STX4: variants seen among roughly 807,000 people sequenced by gnomAD.
The protein encoded by STX4 is syntaxin 4.
STX4 carries 24 observed loss-of-function variants against 41.8 expected under a neutral mutation model. The ratio of observed to expected loss-of-function variants is 0.57; its 90% CI spans 0.42 to 0.81. The LOEUF (loss-of-function observed/expected upper bound fraction) is 0.81. Among genes scored for constraint, STX4 ranks in the 30% least tolerant of loss-of-function variants. The probability of loss-of-function intolerance (pLI) is 0.00; values close to 1 mark genes in which losing one functional copy is unlikely to be tolerated. For missense variants in STX4, 316 were observed against 389.9 expected, an observed-to-expected ratio of 0.81 and a Z score of 1.60; for synonymous variants, 158 against 156.4, an observed-to-expected ratio of 1.01 and a Z score of -0.08.
Position 31,039,043 on chromosome 16 carries a change from G to A in STX4, c.702+396G>A, listed in dbSNP as rs371864627. 2 of 240,574 alleles carry A rather than the reference G, an allele frequency of 8.3e-6. No homozygotes were observed. 14.9% of individuals were successfully genotyped at this position (240,574 alleles called of 1,614,324 possible). A position where few individuals can be genotyped will look rare whatever the true frequency, so the allele number is the denominator to read the frequency against. On this transcript the variant is annotated intron_variant, in intron 8 of 10. Transcript: ENST00000313843. The surrounding 1 kb of genome is among the most constrained non-coding windows in gnomAD (Gnocchi z 4.1). ...TCCCCTGGCCCTGGTTGTGAGTTGA[G>A]TTGAGCTTCCAGCCCTGTCCTGGAG...
Position 31,039,963 on chromosome 16 carries a change from G to T in STX4, c.*67G>T. ...CCTGGCCTTCTCTCCCAGCAGCCTG[G>T]GGGGCAGGGCAGAGCCTCCAGTCGG... On this transcript the variant is annotated 3_prime_UTR_variant, in exon 11 of 11. Transcript: ENST00000313843. The surrounding 1 kb of genome is among the most constrained non-coding windows in gnomAD (Gnocchi z 4.1). 5.0e-6 allele frequency: 4 copies of T among 802,450 alleles called. No individual in the cohort carries two copies. The highest frequency in any genetic ancestry group is 6.1e-6 in the Non-Finnish European group (3 of 493,470). The allele number at this position is 802,450 out of a possible 1,614,324, so 49.7% of individuals were successfully genotyped here. A position where few individuals can be genotyped will look rare whatever the true frequency, so the allele number is the denominator to read the frequency against.
intron 3 of STX4, 41 bp from the exon 4 acceptor site, chr16:31,034,421 T>TG (rs1271482423): frequency 6.3e-7 from 1 of 1,599,948 alleles, no homozygotes; most frequent in East Asian, 2.2e-5. Flanking sequence ...TTTGTTGAGG[T>TG]GGGGGCTGCT....
In STX4 at chr16:31,034,305, C is replaced by T; in HGVS notation, c.212C>T (p.Ala71Val). Residue 71 changes from alanine (A) to valine (V), a missense_variant, in exon 3 of 11, where the codon GCC (alanine) becomes GTC (valine). By Grantham distance (64) the Ala-to-Val change is moderately conservative. Transcript: ENST00000313843. ...ELEKQQVTIL[A>V]TPLPEESMKQ... ...GAGAAACAGCAGGTCACCATCCTGG[C>T]CACGCCCCTTCCCGAGGAGAGTGAG... 2 of 1,614,176 alleles carry T rather than the reference C, an allele frequency of 1.2e-6. No individual in the cohort carries two copies. Among genetic ancestry groups the T allele is most frequent in the Non-Finnish European group, 1.7e-6 (2 of 1,180,026 alleles).
chr16:31,038,478 G>C (rs1486438482), intron 7 of STX4, 32 bp from the exon 8 acceptor site: 15 of 1,612,790 alleles, frequency 9.3e-6, no homozygotes, highest in Non-Finnish European at 1.3e-5. Context: ...GTCTCCCTGT[G>C]AACAGTTGCC....
In STX4 at chr16:31,034,102, G is replaced by T. The variant is rs769504539; in HGVS notation, c.120G>T (p.Glu40Asp). ...CACGGCTGGGGAGCCCGGACGAGGA[G>T]TTCTTCCACAAGGTAAGGGGCTGGG... ...GTARLGSPDE[E>D]FFHKVRTIRQ... The change falls in exon 2 of 11, where the codon GAG (glutamate) becomes GAT (aspartate). Residue 40 changes from glutamate to aspartate, a missense_variant. Coordinates refer to ENST00000313843, the MANE Select transcript of STX4 (RefSeq NM_004604.5). 1 of 1,609,204 alleles carries T rather than the reference G, an allele frequency of 6.2e-7. No homozygotes were observed. Among genetic ancestry groups the T allele is most frequent in the Admixed American group, 1.7e-5 (1 of 59,542 alleles).
chr16:31,035,091 G>GT (rs1273725281), intron 5 of STX4, 51 bp downstream of exon 5: 2 of 1,491,708 alleles, frequency 1.3e-6, no homozygotes, highest in African/African-American at 2.8e-5. Context: ...GTTTCATGAA[G>GT]TATTAGATGA....
At chr16:31,035,137 A>T in intron 5 of STX4, 97 bp downstream of exon 5, 1 of 933,388 alleles carries the variant, frequency 1.1e-6, no homozygotes, top group Non-Finnish European at 1.5e-6. Flanking sequence ...GAGATCATGG[A>T]GTCCAATTGG....
chr16:31,033,499 C>G, upstream of STX4: 1 of 1,550,598 alleles, frequency 6.4e-7, no homozygotes. This position sits in a 1 kb window ranked among gnomAD's most constrained non-coding sequence, Gnocchi z 5.5. Context: ...TTCCCAGCCT[C>G]GGGCAAGGAA....
At chr16:31,037,118 C>T (rs2056806494) in intron 5 of STX4, among the ~76,000 whole-genome samples, 1 of 140,156 alleles carries the variant, frequency 7.1e-6, no homozygotes, top group Non-Finnish European at 1.5e-5. Context: ...GGCTGGAGTA[C>T]AGTGGTGCCA....
upstream of STX4, chr16:31,033,467 C>A: frequency 6.5e-7 from 1 of 1,548,574 alleles, no homozygotes; most frequent in Non-Finnish European, 8.7e-7. This position sits in a 1 kb window ranked among gnomAD's most constrained non-coding sequence, Gnocchi z 5.5. Context: ...CCGCTCGGGG[C>A]GCAACAACTT....
chr16:31,033,165 G>C, upstream of STX4: 1 of 572,478 alleles, frequency 1.7e-6, no homozygotes, highest in Non-Finnish European at 3.4e-6. The surrounding 1 kb of genome is among the most constrained non-coding windows in gnomAD (Gnocchi z 5.5). Flanking sequence ...CCGTGTGGGC[G>C]TCGCTCGGTC....
chr16:31,033,907 A>G lies in STX4; in HGVS notation c.30+72A>G. On this transcript the variant is annotated intron_variant, in intron 1 of 10. Coordinates refer to ENST00000313843, the MANE Select transcript of STX4 (RefSeq NM_004604.5). This position sits in a 1 kb window ranked among gnomAD's most constrained non-coding sequence, Gnocchi z 5.5. ...ACGCAGGACTTCTGGTCTTCGGGAT[A>G]GGGAGGGGTGGCTGATGGCCAGGAA... is the stretch of plus-strand genomic sequence containing the variant. The G allele has an allele frequency of 6.9e-7, 1 of 1,456,396 alleles. No individual in the cohort carries two copies. Among genetic ancestry groups the G allele is most frequent in the South Asian group, 1.5e-5 (1 of 68,934 alleles). 90.2% of individuals were successfully genotyped at this position (1,456,396 alleles called of 1,614,324 possible).
intron 5 of STX4, among the ~76,000 whole-genome samples, chr16:31,036,052 T>A (rs948681717): frequency 6.6e-6 from 1 of 152,072 alleles, no homozygotes; most frequent in Non-Finnish European, 1.5e-5. Flanking sequence ...GTGCTATGAT[T>A]ATAGGCATGA....
intron 5 of STX4, 27 bp downstream of exon 5, chr16:31,035,067 A>T: frequency 6.4e-7 from 1 of 1,568,500 alleles, no homozygotes; most frequent in Non-Finnish European, 8.7e-7. Context: ...AGAAATGAGG[A>T]CATTTCAGCA....
intron 4 of STX4, 135 bp downstream of exon 4, chr16:31,034,671 C>G (rs2143716330): frequency 9.6e-7 from 1 of 1,039,806 alleles, no homozygotes; most frequent in Non-Finnish European, 1.4e-6. Context: ...GCATCTGTCT[C>G]CTGGCCTCCA....
chr16:31,039,563 A>C lies in STX4; in HGVS notation c.725A>C (p.Glu242Ala). The C allele has an allele frequency of 1.2e-6, 2 of 1,614,112 alleles. No individual in the cohort carries two copies. The highest frequency in any genetic ancestry group is 1.7e-6 in the Non-Finnish European group (2 of 1,180,026). Residue 242 changes from glutamate to alanine, a missense_variant, in exon 9 of 11, where the codon GAG (glutamate) becomes GCG (alanine). Coordinates refer to ENST00000313843, the MANE Select transcript of STX4 (RefSeq NM_004604.5). The surrounding 1 kb of genome is among the most constrained non-coding windows in gnomAD (Gnocchi z 4.1). ...EMQGEMINRI[E>A]KNILSSADYV... ...CAGGGGGAGATGATCAATCGGATTG[A>C]GAAGAACATCCTGAGCTCAGCGGAC... is the stretch of plus-strand genomic sequence containing the variant.
At chr16:31,033,443 A>C, upstream of STX4, 1 of 1,529,354 alleles carries the variant, frequency 6.5e-7, no homozygotes, top group South Asian at 1.2e-5. The surrounding 1 kb of genome is among the most constrained non-coding windows in gnomAD (Gnocchi z 5.5). Flanking sequence ...TCTCGCGTCC[A>C]GGCATCTCCG....
chr16:31,038,633 G>A lies in STX4; in HGVS notation c.688G>A (p.Glu230Lys), dbSNP rs377468059. Reference protein sequence around the residue: ...LHDIFTFLATEVEMQGEMINR... With the variant: ...LHDIFTFLATKVEMQGEMINR... ...CGACATATTCACTTTTCTGGCTACC[G>A]AAGTGGAGATGCAGGTGGGTGCCCC... is the stretch of plus-strand genomic sequence containing the variant. Residue 230 changes from glutamate to lysine, a missense_variant, in exon 8 of 11, where the codon GAA becomes AAA. By Grantham distance (56) the Glu-to-Lys change is moderately conservative. Coordinates refer to ENST00000313843, the MANE Select transcript of STX4 (RefSeq NM_004604.5). 54 of 1,613,876 alleles carry A rather than the reference G, an allele frequency of 3.3e-5. No individual in the cohort carries two copies. The highest frequency in any genetic ancestry group is 4.1e-5 in the Non-Finnish European group (48 of 1,179,992).
In STX4 at chr16:31,039,902, T is replaced by C; in HGVS notation, c.*16-10T>C. ...TCCCTCAGACCCTGTTCTCCCTCCT[T>C]TCCTTACAGGCACTAGGAGCACCAG... On this transcript the variant is annotated splice_polypyrimidine_tract_variant and intron_variant, in intron 10 of 10. Coordinates refer to ENST00000313843, the MANE Select transcript of STX4 (RefSeq NM_004604.5). This position sits in a 1 kb window ranked among gnomAD's most constrained non-coding sequence, Gnocchi z 4.1. The C allele has an allele frequency of 7.2e-7, 1 of 1,388,160 alleles. No individual in the cohort carries two copies. The highest frequency in any genetic ancestry group is 1.0e-6 in the Non-Finnish European group (1 of 985,436). 86.0% of individuals were successfully genotyped at this position (1,388,160 alleles called of 1,614,324 possible).
Sources: allele counts gnomAD v4.1 joint callset (sites outside exome capture counted in the v4.1 genomes callset), GRCh38; gene constraint gnomAD v4.1.1; non-coding constraint Gnocchi (gnomAD v3.1); transcripts MANE v1.5; gene names NCBI Gene and HGNC (gene_info 2026-07-23, HGNC 2026-07-21).